Variants in CXCL14 observed in about 807,000 individuals in gnomAD.
CXCL14 encodes C-X-C motif chemokine 14.
A neutral mutation model predicts 16.1 loss-of-function variants in CXCL14; 9 were observed. The ratio of observed to expected loss-of-function variants is 0.56; its 90% CI spans 0.34 to 0.97. CXCL14 has a LOEUF of 0.97. Ranked by LOEUF, CXCL14 falls within the 50% of genes least tolerant of loss-of-function variation. CXCL14 has a pLI of 0.02. For synonymous variants in CXCL14, 55 were observed against 52.8 expected, an observed-to-expected ratio of 1.04 and a Z score of -0.18; for missense variants, 111 against 132.5, an observed-to-expected ratio of 0.84 and a Z score of 0.80.
chr5:135,573,709 C>CAT, intron 3 of CXCL14, among the ~76,000 whole-genome samples: 1 of 145,516 alleles, frequency 6.9e-6, no homozygotes, highest in Middle Eastern at 3.5e-3. Flanking sequence ...TGCATGCATG[C>CAT]GTGTGTGTGT....
At chr5:135,572,258 T>C (rs979567426) in intron 3 of CXCL14, among the ~76,000 whole-genome samples, 3 of 152,214 alleles carry the variant, frequency 2.0e-5, no homozygotes, top group African/African-American at 7.2e-5. Flanking sequence ...CACACCTCCT[T>C]GTTTCTTTCC....
intron 3 of CXCL14, 64 bp downstream of exon 3, chr5:135,574,508 C>G: frequency 7.2e-7 from 1 of 1,381,290 alleles, no homozygotes; most frequent in Non-Finnish European, 1.0e-6. Context: ...GGGGGGGTCC[C>G]TTCCCATCCT....
rs748145195 is a variant in CXCL14, at chr5:135,571,817, A to G, written c.*36T>C. On this transcript the variant is annotated 3_prime_UTR_variant, in exon 4 of 4. Coordinates refer to ENST00000512158, the MANE Select transcript of CXCL14 (RefSeq NM_004887.5). ...CAAAGTCCTTTGCACAAGTCTCCCAACTGGTTTGGAGTTTTCCCTTCTGAG... is the reference window on the plus strand; with the variant it reads ...CAAAGTCCTTTGCACAAGTCTCCCAGCTGGTTTGGAGTTTTCCCTTCTGAG... The G allele has an allele frequency of 3.5e-6, 5 of 1,423,090 alleles. No individual in the cohort carries two copies. Among genetic ancestry groups the G allele is most frequent in the Non-Finnish European group, 4.7e-6 (5 of 1,066,180 alleles). 88.2% of individuals were successfully genotyped at this position (1,423,090 alleles called of 1,614,324 possible).
rs539581282 is a variant in CXCL14, at chr5:135,574,076, G to A, written c.284+496C>T. On this transcript the variant is annotated intron_variant, in intron 3 of 3. Transcript: ENST00000512158. ...GTTTATCAGGTTTCTGGGCAGCAGA[G>A]GGAGTGGGGCACCTTGGAGAAGAAA... is the stretch of plus-strand genomic sequence containing the variant. Among the ~76,000 whole-genome samples, 25 of 152,342 alleles carry A rather than the reference G, an allele frequency of 1.6e-4. No homozygotes were observed. In the South Asian group the frequency reaches 4.6e-3, roughly 28 times the overall value.
chr5:135,574,452 T>C lies in CXCL14; in HGVS notation c.284+120A>G, dbSNP rs894676357. On this transcript the variant is annotated intron_variant, in intron 3 of 3. Coordinates refer to ENST00000512158, the MANE Select transcript of CXCL14 (RefSeq NM_004887.5). ...TGTCTGAGTATCTGTTTGCTGTGGA[T>C]GTTGTGGTGGGTGTTCACATATTAG... 5.6e-6 allele frequency: 4 copies of C among 710,580 alleles called. No homozygotes were observed. The African/African-American group carries it at 7.0e-5, about 13-fold the overall frequency. 44.0% of individuals were successfully genotyped at this position (710,580 alleles called of 1,614,324 possible). A position where few individuals can be genotyped will look rare whatever the true frequency, so the allele number is the denominator to read the frequency against.
At position 135,573,055 on chromosome 5, in the gene CXCL14, G is replaced by C. The variant is rs559257838; in HGVS notation, c.285-1187C>G. ...GGAATTTTCAGGAAAAAAAAAAGCA[G>C]GGCCATGTTTAGACCTGTGGGTGCC... On this transcript the variant is annotated intron_variant, in intron 3 of 3. Transcript: ENST00000512158. Among the ~76,000 whole-genome samples, 228 of 152,230 alleles carry C rather than the reference G, an allele frequency of 1.5e-3. 3 individuals are homozygous for C. Among genetic ancestry groups the C allele is most frequent in the African/African-American group, 5.2e-3 (215 of 41,552 alleles).
In CXCL14 at chr5:135,578,743, C is replaced by T. The variant is rs1273037515; in HGVS notation, c.36G>A (p.Leu12=). The T allele has an allele frequency of 6.5e-7, 1 of 1,547,676 alleles. No homozygotes were observed. The highest frequency in any genetic ancestry group is 2.4e-5 in the East Asian group (1 of 40,900). Residue 12 remains leucine, a synonymous_variant, in exon 1 of 4, where the codon CTG becomes CTA. Transcript: ENST00000512158. ...CCACACGCGCGGTGTACAGCGCCAGCAGCAGCAGGAGCAGCGCGGCCGCCA... is the reference window on the plus strand; with the variant it reads ...CCACACGCGCGGTGTACAGCGCCAGTAGCAGCAGGAGCAGCGCGGCCGCCA... ...RLLAAALLLL[L]LALYTARVDG...
In CXCL14 at chr5:135,571,586, A is replaced by T. The variant is rs1198744014; in HGVS notation, c.*267T>A. On this transcript the variant is annotated 3_prime_UTR_variant, in exon 4 of 4. Transcript: ENST00000512158. Reference sequence around the variant, plus strand: ...AGGCATGAGTTTTCCCCTTTTTGATAAAAAGCAGCCTGTGATGAAGTCTGG... The same window carrying T: ...AGGCATGAGTTTTCCCCTTTTTGATTAAAAGCAGCCTGTGATGAAGTCTGG... The T allele has an allele frequency of 1.5e-5, 7 of 464,422 alleles. No individual in the cohort carries two copies. Among genetic ancestry groups the T allele is most frequent in the East Asian group, 3.5e-5 (1 of 28,618 alleles). 28.8% of individuals were successfully genotyped at this position (464,422 alleles called of 1,614,324 possible). A position where few individuals can be genotyped will look rare whatever the true frequency, so the allele number is the denominator to read the frequency against.
Position 135,571,654 on chromosome 5 carries a change from G to C in CXCL14, c.*199C>G. 3 of 541,908 alleles carry C rather than the reference G, an allele frequency of 5.5e-6. No individual in the cohort carries two copies. Among genetic ancestry groups the C allele is most frequent in the Non-Finnish European group, 9.4e-6 (3 of 317,852 alleles). The allele number at this position is 541,908 out of a possible 1,614,324, so 33.6% of individuals were successfully genotyped here. The stretch of plus-strand genomic sequence containing the variant: ...TCTCCCATCTGGAAGCCTTTCGCAC[G>C]CAGCTATAAAATGTAAAAACTGACC... On this transcript the variant is annotated 3_prime_UTR_variant, in exon 4 of 4. Coordinates refer to ENST00000512158, the MANE Select transcript of CXCL14 (RefSeq NM_004887.5).
intron 3 of CXCL14, 70 bp downstream of exon 3, chr5:135,574,502 G>C (rs1002752480): frequency 6.4e-5 from 80 of 1,247,224 alleles, no homozygotes; most frequent in Non-Finnish European, 2.8e-5. Flanking sequence ...CCTGGTGGGG[G>C]GGTCCCTTCC....
intron 2 of CXCL14, among the ~76,000 whole-genome samples, chr5:135,578,135 T>C (rs1751142293): frequency 1.3e-5 from 2 of 152,176 alleles, no homozygotes; most frequent in Non-Finnish European, 2.9e-5. Flanking sequence ...CCTTTAACCC[T>C]TGATGGCCCT....
chr5:135,578,386 G>T, intron 2 of CXCL14, 48 bp downstream of exon 2: 1 of 1,493,640 alleles, frequency 6.7e-7, no homozygotes, highest in Non-Finnish European at 9.3e-7. Flanking sequence ...CCCTGGCATT[G>T]GGTTGACAGC....
Position 135,578,888 on chromosome 5 carries a change from G to T in CXCL14, c.-110C>A. 1 of 1,236,802 alleles carries T rather than the reference G, an allele frequency of 8.1e-7. No individual in the cohort carries two copies. The highest frequency in any genetic ancestry group is 1.1e-6 in the Non-Finnish European group (1 of 937,028). The allele number at this position is 1,236,802 out of a possible 1,614,324, so 76.6% of individuals were successfully genotyped here. On this transcript the variant is annotated 5_prime_UTR_variant, in exon 1 of 4. Coordinates refer to ENST00000512158, the MANE Select transcript of CXCL14 (RefSeq NM_004887.5). ...CTCTGCTCGGCTTTCTCTGCCCGGG[G>T]CGCGCCTTCCGGCTCTGCTGGCTCC...
In CXCL14 at chr5:135,571,790, TG is replaced by T; in HGVS notation, c.*62del. ...TTTTTTTTTTTTTTTTTTTTTAATC[TG>T]CAAAGTCCTTTGCACAAGTCTCCCA... On this transcript the variant is annotated 3_prime_UTR_variant, in exon 4 of 4. Coordinates refer to ENST00000512158, the MANE Select transcript of CXCL14 (RefSeq NM_004887.5). The T allele has an allele frequency of 2.3e-6, 1 of 441,910 alleles. No homozygotes were observed. The highest frequency in any genetic ancestry group is 4.0e-6 in the Non-Finnish European group (1 of 248,678). The allele number at this position is 441,910 out of a possible 1,614,324, so 27.4% of individuals were successfully genotyped here.
At chr5:135,575,462 T>C (rs1751084854) in intron 2 of CXCL14, among the ~76,000 whole-genome samples, 1 of 152,226 alleles carries the variant, frequency 6.6e-6, no homozygotes, top group African/African-American at 2.4e-5. Flanking sequence ...GGGTAACCTC[T>C]CTGAATCCAG....
At chr5:135,572,635 G>A (rs377204893) in intron 3 of CXCL14, among the ~76,000 whole-genome samples, 11 of 152,264 alleles carry the variant, frequency 7.2e-5, no homozygotes, top group African/African-American at 1.4e-4. Context: ...TTTCTGTCTC[G>A]TTCTTGATTT....
At chr5:135,572,251 A>C (rs182770442) in intron 3 of CXCL14, among the ~76,000 whole-genome samples, 3 of 151,948 alleles carry the variant, frequency 2.0e-5, no homozygotes, top group Non-Finnish European at 2.9e-5. Flanking sequence ...CTGCTCCCAC[A>C]CCTCCTTGTT....
rs569151811 is a variant in CXCL14, at chr5:135,576,497, C to T, written c.171-1812G>A. On this transcript the variant is annotated intron_variant, in intron 2 of 3. Transcript: ENST00000512158. ...CTCTCACTACAGTGCTCAAATGCCA[C>T]GTCATAATACTGGGATTATGAAAAT... Among the ~76,000 whole-genome samples the T allele has an allele frequency of 7.0e-4, 107 of 152,274 alleles. 1 individual carries two copies. Among genetic ancestry groups the T allele is most frequent in the African/African-American group, 2.5e-3 (105 of 41,544 alleles).
intron 3 of CXCL14, among the ~76,000 whole-genome samples, chr5:135,573,847 G>C (rs1751059615): frequency 2.0e-5 from 3 of 152,196 alleles, no homozygotes; most frequent in Non-Finnish European, 4.4e-5. Context: ...CTAGGAACTG[G>C]ATTCTCCCTC....
Sources: allele counts gnomAD v4.1 joint callset (sites outside exome capture counted in the v4.1 genomes callset), GRCh38; gene constraint gnomAD v4.1.1; transcripts MANE v1.5; gene names NCBI Gene and HGNC (gene_info 2026-07-23, HGNC 2026-07-21).